RPL28: variants seen among roughly 807,000 people sequenced by gnomAD.
RPL28 encodes the protein large ribosomal subunit protein eL28.
In RPL28, 4 loss-of-function variants were observed where a neutral mutation model predicts 12.5. That is an observed-to-expected ratio of 0.32 (90% CI 0.16 to 0.73). The LOEUF is 0.73. Among genes scored for constraint, RPL28 ranks in the 30% least tolerant of loss-of-function variants. The probability of loss-of-function intolerance (pLI) is 0.66; values close to 1 mark genes in which losing one functional copy is unlikely to be tolerated. For missense variants in RPL28, 214 were observed against 197.7 expected (o/e 1.08, Z -0.49); for synonymous variants, 91 against 72.5 (o/e 1.26, Z -1.30).
intron 3 of RPL28, chr19:55,387,445 T>G: frequency 2.6e-6 from 4 of 1,512,682 alleles, no homozygotes; most frequent in Non-Finnish European, 3.5e-6. Context: ...GACCCCGTTC[T>G]GGGGAGTCCT....
At chr19:55,396,477 TCCCC>T (rs112754863), downstream of RPL28, among the ~76,000 whole-genome samples, 3 of 12,882 alleles carry the variant, frequency 2.3e-4, no homozygotes, top group Middle Eastern at 0.045. Flanking sequence ...AGGAAAGTTC[TCCCC>T]CCTCCCCTCC....
At chr19:55,396,672 C>G (rs1266777564), downstream of RPL28, among the ~76,000 whole-genome samples, 1 of 143,272 alleles carries the variant, frequency 7.0e-6, no homozygotes, top group Non-Finnish European at 1.5e-5. Flanking sequence ...GTTCCACCTC[C>G]CGGGTTCACG....
chr19:55,390,814 C>T lies in RPL28; in HGVS notation c.*2482C>T, dbSNP rs7255648. On this transcript the variant is annotated 3_prime_UTR_variant, in exon 5 of 5. Transcript: ENST00000344063. ...AGGGAGGGAGATGGTCTCAGCCCCA[C>T]AGAGTTTGGAGTCCTCAGTGTGCTG... 2.0e-6 allele frequency: 2 copies of T among 985,262 alleles called. No individual in the cohort carries two copies. Among genetic ancestry groups the T allele is most frequent in the South Asian group, 9.4e-5 (2 of 21,294 alleles). The allele number at this position is 985,262 out of a possible 1,614,324, so 61.0% of individuals were successfully genotyped here.
chr19:55,401,813 C>T (rs530816110), intron 4 of RPL28: 33 of 1,599,700 alleles, frequency 2.1e-5, no homozygotes, highest in East Asian at 4.5e-5. Context: ...TACAGGGACC[C>T]CCAGGCCTCC....
At position 55,388,362 on chromosome 19, in the gene RPL28, C is replaced by T; in HGVS notation, c.*30C>T. ...CCTGCCCCCAGAGCAATAAAGTCAG[C>T]TGGCTTTCTCACCTGCCTCGACTGG... On this transcript the variant is annotated 3_prime_UTR_variant, in exon 5 of 5. Transcript: ENST00000344063. The T allele has an allele frequency of 6.8e-7, 1 of 1,460,594 alleles. No homozygotes were observed. The highest frequency in any genetic ancestry group is 2.6e-5 in the East Asian group (1 of 38,846). 90.5% of individuals were successfully genotyped at this position (1,460,594 alleles called of 1,614,324 possible).
intron 4 of RPL28, chr19:55,401,237 C>A (rs1174192343): frequency 1.2e-5 from 8 of 665,832 alleles, no homozygotes; most frequent in Non-Finnish European, 1.8e-5. Context: ...CCCAGAGCCA[C>A]ATGGCACCAT....
intron 3 of RPL28, chr19:55,387,681 G>A (rs2089946149): frequency 7.2e-7 from 1 of 1,395,210 alleles, no homozygotes; most frequent in Non-Finnish European, 9.3e-7. Context: ...GCATGAGAAA[G>A]GAGTGTTTTC....
Position 55,389,484 on chromosome 19 carries a change from G to C in RPL28, c.*1152G>C. 1.0e-6 allele frequency: 1 copy of C among 985,432 alleles called. No individual in the cohort carries two copies. Among genetic ancestry groups the C allele is most frequent in the Non-Finnish European group, 1.2e-6 (1 of 829,952 alleles). 61.0% of individuals were successfully genotyped at this position (985,432 alleles called of 1,614,324 possible). A position where few individuals can be genotyped will look rare whatever the true frequency, so the allele number is the denominator to read the frequency against. ...GCACCCCTGGTTCCTGCCATCCTGG[G>C]GTACCCGATTCAAAGAAGGACTCTG... On this transcript the variant is annotated 3_prime_UTR_variant, in exon 5 of 5. Transcript: ENST00000344063.
In RPL28 at chr19:55,387,296, C is replaced by T. The variant is rs373802993; in HGVS notation, c.205+603C>T. 459 of 1,551,668 alleles carry T rather than the reference C, an allele frequency of 3.0e-4. 7 individuals carry two copies. In the South Asian group the frequency reaches 4.0e-3, roughly 14 times the overall value. On this transcript the variant is annotated intron_variant, in intron 3 of 4. Transcript: ENST00000344063. ...TATTTTCTTTTTAGAGTGAGTTTTTCTCAGGTCCTTGATTGGAACTGCCTC... is the reference window on the plus strand; with the variant it reads ...TATTTTCTTTTTAGAGTGAGTTTTTTTCAGGTCCTTGATTGGAACTGCCTC...
chr19:55,387,764 C>T, intron 3 of RPL28, 166 bp from the exon 4 acceptor site: 1 of 1,460,140 alleles, frequency 6.8e-7, no homozygotes, highest in Non-Finnish European at 9.0e-7. Flanking sequence ...GAGTGAGCCT[C>T]TGTGAAATGG....
At chr19:55,388,126 T>C (rs781614496) in intron 4 of RPL28, 78 bp downstream of exon 4, 35 of 1,596,516 alleles carry the variant, frequency 2.2e-5, no homozygotes, top group Non-Finnish European at 2.6e-5. Flanking sequence ...CTGGTTGCAA[T>C]ATGGGCTGGA....
At chr19:55,399,398 C>G (rs1458419205) in intron 4 of RPL28, among the ~76,000 whole-genome samples, 1 of 152,032 alleles carries the variant, frequency 6.6e-6, no homozygotes, top group Admixed American at 6.6e-5. Context: ...AACTCCTGAC[C>G]TCAGGTGACC....
At chr19:55,392,893 C>T (rs149023512), downstream of RPL28, among the ~76,000 whole-genome samples, 245 of 152,256 alleles carry the variant, frequency 1.6e-3, no homozygotes, top group African/African-American at 5.7e-3. Flanking sequence ...CCCCTTGCTC[C>T]TTTTCCCTAA....
Position 55,388,685 on chromosome 19 carries a change from T to C in RPL28, c.*353T>C. On this transcript the variant is annotated 3_prime_UTR_variant, in exon 5 of 5. Transcript: ENST00000344063. ...AAAGGCCTTTTCTAGCCCAGAAGGG[T>C]GCAGGCTGAGGGCTGGGCCCTGGGC... 9.3e-7 allele frequency: 1 copy of C among 1,073,942 alleles called. No homozygotes were observed. Among genetic ancestry groups the C allele is most frequent in the African/African-American group, 1.7e-5 (1 of 60,528 alleles). The allele number at this position is 1,073,942 out of a possible 1,614,324, so 66.5% of individuals were successfully genotyped here.
intron 4 of RPL28, chr19:55,401,201 C>A: frequency 3.4e-6 from 2 of 589,820 alleles, no homozygotes; most frequent in Non-Finnish European, 6.0e-6. Context: ...TACAAGGACC[C>A]AGGGCCTGTG....
chr19:55,396,278 A>C (rs1262788084), downstream of RPL28, among the ~76,000 whole-genome samples: 2 of 151,840 alleles, frequency 1.3e-5, no homozygotes, highest in African/African-American at 4.8e-5. Flanking sequence ...TAAAAAAAAA[A>C]AAACTTTAAA....
chr19:55,397,374 G>C (rs1452442012), intron 4 of RPL28, among the ~76,000 whole-genome samples: 1 of 152,084 alleles, frequency 6.6e-6, no homozygotes, highest in Non-Finnish European at 1.5e-5. Context: ...TTGTAATCGG[G>C]ACAAATGTTT....
chr19:55,389,518 C>G lies in RPL28; in HGVS notation c.*1186C>G. On this transcript the variant is annotated 3_prime_UTR_variant, in exon 5 of 5. Transcript: ENST00000344063. ...TTCAAAGAAGGACTCTGCTCCCTGT[C>G]TGAGACCACCCCCGGCTCTGACTGA... The G allele has an allele frequency of 1.0e-6, 1 of 985,502 alleles. No homozygotes were observed. The highest frequency in any genetic ancestry group is 1.7e-5 in the African/African-American group (1 of 57,370). The allele number at this position is 985,502 out of a possible 1,614,324, so 61.0% of individuals were successfully genotyped here.
In RPL28 at chr19:55,390,141, A is replaced by AATG; in HGVS notation, c.*1811_*1813dup. The stretch of plus-strand genomic sequence containing the variant: ...GGGTTTGTCTAGCACACCAGCATAT[A>AATG]ATGAGATGCTTGATGAATGGTGCAT... On this transcript the variant is annotated 3_prime_UTR_variant, in exon 5 of 5. Coordinates refer to ENST00000344063, the MANE Select transcript of RPL28 (RefSeq NM_000991.5). 1 of 985,324 alleles carries AATG rather than the reference A, an allele frequency of 1.0e-6. No individual in the cohort carries two copies. Among genetic ancestry groups the AATG allele is most frequent in the South Asian group, 4.7e-5 (1 of 21,232 alleles). 61.0% of individuals were successfully genotyped at this position (985,324 alleles called of 1,614,324 possible). A position where few individuals can be genotyped will look rare whatever the true frequency, so the allele number is the denominator to read the frequency against.
Sources: allele counts gnomAD v4.1 joint callset (sites outside exome capture counted in the v4.1 genomes callset), GRCh38; gene constraint gnomAD v4.1.1; transcripts MANE v1.5; gene names NCBI Gene and HGNC (gene_info 2026-07-23, HGNC 2026-07-21).